Variants in EPB41L1 observed in about 807,000 individuals in gnomAD.
EPB41L1 encodes the protein band 4.1-like protein 1.
A neutral mutation model predicts 97.8 loss-of-function variants in EPB41L1; 29 were observed. The observed-to-expected ratio is 0.30, with a 90% CI of 0.22 to 0.40. The LOEUF (loss-of-function observed/expected upper bound fraction) is 0.40, where lower values mean the gene tolerates loss of function less well. Ranked by LOEUF, EPB41L1 falls within the 10% of genes least tolerant of loss-of-function variation. The probability of loss-of-function intolerance (pLI) is 1.00; values close to 1 mark genes in which losing one functional copy is unlikely to be tolerated. For synonymous variants in EPB41L1, 383 were observed against 459.2 expected, an observed-to-expected ratio of 0.83 and a Z score of 2.12; for missense variants, 812 against 1,162.3, an observed-to-expected ratio of 0.70 and a Z score of 4.38.
rs964830786 is a variant in EPB41L1, at chr20:36,173,927, C to T, written c.150C>T (p.Ser50=). ...PEANSNEKHP[S]QQDTRPAEQS... ...CCAACTCCAATGAGAAGCATCCATC[C>T]CAGCAGGACACGCGGCCTGCTGAAC... is the stretch of plus-strand genomic sequence containing the variant. The change falls in exon 2 of 22, where the codon TCC becomes TCT. Residue 50 remains serine, a synonymous_variant. Transcript: ENST00000338074. 7 of 1,613,744 alleles carry T rather than the reference C, an allele frequency of 4.3e-6. No individual in the cohort carries two copies. The highest frequency in any genetic ancestry group is 1.6e-4 in the Middle Eastern group (1 of 6,068).
intron 1 of EPB41L1, chr20:36,110,652 C>CACACACAT (rs1555829850): frequency 5.9e-5 from 9 of 153,598 alleles, no homozygotes; most frequent in African/African-American, 1.9e-4. Flanking sequence ...CACACACACA[C>CACACACAT]ACACACACAC....
chr20:36,206,794 G>T lies in EPB41L1; in HGVS notation c.1669-2694G>T, dbSNP rs140469801. 1 of 1,289,744 alleles carries T rather than the reference G, an allele frequency of 7.8e-7. No homozygotes were observed. The highest frequency in any genetic ancestry group is 1.5e-5 in the African/African-American group (1 of 65,864). The allele number at this position is 1,289,744 out of a possible 1,614,324, so 79.9% of individuals were successfully genotyped here. ...AGAGTTTCCCCACCTGACAGCCAGC[G>T]CAGCCCGAGAGGAAGGGACCCCCGT... On this transcript the variant is annotated intron_variant, in intron 14 of 21. Transcript: ENST00000338074. This position sits in a 1 kb window ranked among gnomAD's most constrained non-coding sequence, Gnocchi z 5.5.
rs1237047801 is a variant in EPB41L1 at position 36,218,927 on chromosome 20, C to G, written c.2320C>G (p.Gln774Glu). The change falls in exon 18 of 22, where the codon CAG (glutamine) becomes GAG (glutamate). Residue 774 changes from glutamine (Q) to glutamate (E), a missense_variant. Coordinates refer to ENST00000338074, the MANE Select transcript of EPB41L1 (RefSeq NM_012156.2). ...KGAAAMIPGP[Q>E]TVATEIRSLS... Reference sequence around the variant, plus strand: ...GGCAGCTGCCATGATCCCAGGCCCACAGACGGTGGCCACGGAAATCCGTTC... The same window carrying G: ...GGCAGCTGCCATGATCCCAGGCCCAGAGACGGTGGCCACGGAAATCCGTTC... 1.2e-6 allele frequency: 2 copies of G among 1,614,114 alleles called. No homozygotes were observed. Among genetic ancestry groups the G allele is most frequent in the African/African-American group, 2.7e-5 (2 of 74,948 alleles).
intron 7 of EPB41L1, among the ~76,000 whole-genome samples, chr20:36,186,807 A>G (rs1450857791): frequency 1.3e-5 from 2 of 152,200 alleles, no homozygotes; most frequent in African/African-American, 4.8e-5. Context: ...GCACACTGAC[A>G]TCTCGTGTCC....
intron 1 of EPB41L1, among the ~76,000 whole-genome samples, chr20:36,172,384 A>G (rs2061030308): frequency 6.6e-6 from 1 of 152,176 alleles, no homozygotes; most frequent in Admixed American, 6.5e-5. Flanking sequence ...CGGCTTATGT[A>G]TGCATATTTT....
rs2061344560 is a variant in EPB41L1, at chr20:36,178,531, A to G, written c.448-99A>G. The G allele has an allele frequency of 8.0e-6, 10 of 1,244,536 alleles. No homozygotes were observed. In the East Asian group the frequency reaches 2.1e-4, roughly 26 times the overall value. The allele number at this position is 1,244,536 out of a possible 1,614,324, so 77.1% of individuals were successfully genotyped here. On this transcript the variant is annotated intron_variant, in intron 4 of 21. Transcript: ENST00000338074. Reference sequence around the variant, plus strand: ...TAGCCAAGGAAGGGCGTTCCCTACAAGGGGCTGCTGACCAGCCATTTCAGG... The same window carrying G: ...TAGCCAAGGAAGGGCGTTCCCTACAGGGGGCTGCTGACCAGCCATTTCAGG...
upstream of EPB41L1, among the ~76,000 whole-genome samples, chr20:36,154,340 C>T (rs1213259529): frequency 6.6e-6 from 1 of 152,090 alleles, no homozygotes; most frequent in Non-Finnish European, 1.5e-5. The surrounding 1 kb of genome is among the most constrained non-coding windows in gnomAD (Gnocchi z 5.5). Flanking sequence ...CTGATGAGCC[C>T]CCAAGAGGGC....
chr20:36,186,285 G>A (rs1383297727), intron 7 of EPB41L1, among the ~76,000 whole-genome samples: 1 of 152,136 alleles, frequency 6.6e-6, no homozygotes, highest in Non-Finnish European at 1.5e-5. Flanking sequence ...TTGTTATGGG[G>A]ACTCAATATA....
intron 1 of EPB41L1, among the ~76,000 whole-genome samples, chr20:36,164,052 C>T (rs1214190856): frequency 6.6e-6 from 1 of 152,170 alleles, no homozygotes; most frequent in Non-Finnish European, 1.5e-5. Flanking sequence ...CCTTGTTGGC[C>T]AGGCTGGTCT....
In EPB41L1 at chr20:36,147,517, C is replaced by A. The variant is rs193285708; in HGVS notation, c.-9-28034C>A. On this transcript the variant is annotated intron_variant, in intron 2 of 19. Coordinates refer to the EPB41L1 transcript ENST00000202028. ...GCCCCTGCACCTACTAGCAGTGTGACCTTGGATGAGTGATTTAACTTCAGT... is the reference window on the plus strand; with the variant it reads ...GCCCCTGCACCTACTAGCAGTGTGAACTTGGATGAGTGATTTAACTTCAGT... Among the ~76,000 whole-genome samples the A allele has an allele frequency of 1.6e-4, 25 of 152,302 alleles. No individual in the cohort carries two copies. The East Asian group carries it at 4.6e-3, about 28-fold the overall frequency.
At position 36,214,438 on chromosome 20, in the gene EPB41L1, A is replaced by G; in HGVS notation, c.2266A>G (p.Met756Val). The change falls in exon 17 of 22, where the codon ATG (methionine) becomes GTG (valine). Residue 756 changes from methionine to valine, a missense_variant and splice_region_variant. Physicochemically the swap from Met to Val is conservative, Grantham distance 21. Around this residue, in one of 3 missense-constraint regions of EPB41L1, gnomAD observed 498 missense variants for 622.7 expected, o/e 0.80. Transcript: ENST00000338074. ...SITTETISTTMENSLKSGKGA... is the reference protein window; with the variant it reads ...SITTETISTTVENSLKSGKGA... Reference sequence around the variant, plus strand: ...CACCACGGAGACCATATCGACCACCATGGTAAGTTGAACCCAGGAGGCTTC... The same window carrying G: ...CACCACGGAGACCATATCGACCACCGTGGTAAGTTGAACCCAGGAGGCTTC... 2 of 1,612,456 alleles carry G rather than the reference A, an allele frequency of 1.2e-6. No homozygotes were observed. The highest frequency in any genetic ancestry group is 1.7e-6 in the Non-Finnish European group (2 of 1,179,526).
intron 2 of EPB41L1, among the ~76,000 whole-genome samples, chr20:36,146,579 C>T (rs1459487515): frequency 2.0e-5 from 3 of 152,132 alleles, no homozygotes; most frequent in Non-Finnish European, 4.4e-5. Flanking sequence ...TGTGAAGTTG[C>T]GGATTAACCA....
chr20:36,196,443 C>A (rs187326919), intron 13 of EPB41L1, among the ~76,000 whole-genome samples: 1 of 152,324 alleles, frequency 6.6e-6, no homozygotes, highest in Non-Finnish European at 1.5e-5. Context: ...CCATTGCAGC[C>A]CAAACCCTCT....
intron 6 of EPB41L1, among the ~76,000 whole-genome samples, chr20:36,182,656 C>T (rs2061518868): frequency 6.6e-6 from 1 of 152,192 alleles, no homozygotes; most frequent in South Asian, 2.1e-4. Flanking sequence ...CGGGCCATCA[C>T]TGTCATGTAG....
At chr20:36,224,698 A>G (rs1339346773) in intron 21 of EPB41L1, among the ~76,000 whole-genome samples, 1 of 152,236 alleles carries the variant, frequency 6.6e-6, no homozygotes, top group Non-Finnish European at 1.5e-5. Context: ...AAACTTTTTA[A>G]TGGAAACTAA....
chr20:36,154,271 G>A (rs1239023903), upstream of EPB41L1, among the ~76,000 whole-genome samples: 1 of 152,134 alleles, frequency 6.6e-6, no homozygotes, highest in Non-Finnish European at 1.5e-5. This position sits in a 1 kb window ranked among gnomAD's most constrained non-coding sequence, Gnocchi z 5.5. Context: ...CTGAGGCTGA[G>A]TCACCCCTTC....
chr20:36,185,879 T>C (rs2061663450), intron 7 of EPB41L1, among the ~76,000 whole-genome samples: 1 of 152,226 alleles, frequency 6.6e-6, no homozygotes. Context: ...CACTGCATGT[T>C]GGCTGTTAGT....
chr20:36,129,702 C>T (rs2059116952), intron 2 of EPB41L1, among the ~76,000 whole-genome samples: 1 of 152,102 alleles, frequency 6.6e-6, no homozygotes, highest in Non-Finnish European at 1.5e-5. Flanking sequence ...CTCAGGGCTG[C>T]ATTGCAGTTA....
intron 1 of EPB41L1, among the ~76,000 whole-genome samples, chr20:36,161,152 G>A (rs1248645253): frequency 2.0e-5 from 3 of 152,166 alleles, no homozygotes; most frequent in Non-Finnish European, 2.9e-5. Context: ...CCCTCAAAAG[G>A]TGGTGATGTC....
Sources: gnomAD v4.1 joint callset for allele counts (sites outside exome capture counted in the v4.1 genomes callset) on GRCh38, gnomAD v4.1.1 for gene constraint, gnomAD v4.1.1 regional missense constraint, Gnocchi (gnomAD v3.1) non-coding constraint, MANE v1.5 for transcripts, NCBI Gene and HGNC (gene_info 2026-07-23, HGNC 2026-07-21) for gene names.